Variants in THSD4 observed in about 807,000 individuals in gnomAD.
The protein encoded by THSD4 is thrombospondin type 1 domain containing 4.
THSD4 carries 69 observed loss-of-function variants against 119.0 expected under a neutral mutation model. That is an observed-to-expected ratio of 0.58 (90% confidence interval 0.48 to 0.71). The LOEUF (loss-of-function observed/expected upper bound fraction) is 0.71, where lower values mean the gene tolerates loss of function less well. THSD4 is among the 30% of genes least tolerant of loss of function. THSD4 has a pLI of 0.00. For missense variants in THSD4, 1,393 were observed against 1,391.1 expected (o/e 1.00, Z -0.02); for synonymous variants, 524 against 540.4 (o/e 0.97, Z 0.42).
At chr15:71,351,977 C>T (rs535276974) in intron 6 of THSD4, among the ~76,000 whole-genome samples, 1 of 152,230 alleles carries the variant, frequency 6.6e-6, no homozygotes, top group Non-Finnish European at 1.5e-5. Context: ...TTCTTTTCAA[C>T]ACTCCTTGAT....
chr15:71,768,059 A>G (rs1267718865), intron 16 of THSD4, among the ~76,000 whole-genome samples: 2 of 152,222 alleles, frequency 1.3e-5, no homozygotes, highest in Non-Finnish European at 2.9e-5. Flanking sequence ...TATTATGAAA[A>G]CCCGTAAATG....
At chr15:71,730,633 TG>T (rs1567123924) in intron 9 of THSD4, 1 of 153,980 alleles carries the variant, frequency 6.5e-6, no homozygotes, top group Non-Finnish European at 1.4e-5. Flanking sequence ...GGGAGGGACC[TG>T]GGGGCCAGCC....
intron 4 of THSD4, among the ~76,000 whole-genome samples, chr15:71,228,990 G>A (rs1304230997): frequency 6.6e-6 from 1 of 152,088 alleles, no homozygotes; most frequent in Non-Finnish European, 1.5e-5. Flanking sequence ...CTCAATTTGG[G>A]GGGAAACAAT....
intron 7 of THSD4, among the ~76,000 whole-genome samples, chr15:71,459,531 G>T (rs1022319391): frequency 6.6e-6 from 1 of 152,078 alleles, no homozygotes; most frequent in Admixed American, 6.5e-5. Context: ...TATTTCTTCT[G>T]CAAGTTTTCT....
intron 6 of THSD4, among the ~76,000 whole-genome samples, chr15:71,323,255 G>A (rs570726148): frequency 3.3e-5 from 5 of 152,232 alleles, no homozygotes; most frequent in South Asian, 2.1e-4. Context: ...ACTAGAAGGC[G>A]CCAATCGCAG....
At chr15:71,199,454 G>GT (rs2043748788) in intron 3 of THSD4, among the ~76,000 whole-genome samples, 3 of 143,028 alleles carry the variant, frequency 2.1e-5, no homozygotes, top group African/African-American at 5.2e-5. Flanking sequence ...TGTGTGTGTG[G>GT]GGGGGGGTGT....
rs1250551076 is a variant in THSD4, at chr15:71,411,683, G to A, written c.1016-4G>A. The A allele has an allele frequency of 3.1e-6, 5 of 1,612,742 alleles. No homozygotes were observed. The Admixed American group carries it at 6.7e-5, about 22-fold the overall frequency. ...TTTTATTTTATTTCATTTTACTTTG[G>A]TAGTAAAAGGCAATCGCAAATGTGA... is the stretch of plus-strand genomic sequence containing the variant. On this transcript the variant is annotated splice_polypyrimidine_tract_variant and splice_region_variant and intron_variant, in intron 6 of 17. Coordinates refer to ENST00000261862, the MANE Select transcript of THSD4 (RefSeq NM_024817.3).
intron 7 of THSD4, among the ~76,000 whole-genome samples, chr15:71,540,119 TATTTC>T (rs1453526978): frequency 4.7e-5 from 7 of 148,122 alleles, no homozygotes; most frequent in Admixed American, 3.6e-4. Flanking sequence ...TTACAACCAT[TATTTC>T]ATTTTATTTA....
intron 7 of THSD4, among the ~76,000 whole-genome samples, chr15:71,641,218 C>T (rs1321341805): frequency 2.6e-5 from 4 of 152,116 alleles, no homozygotes; most frequent in Non-Finnish European, 5.9e-5. Flanking sequence ...TTGAGGGAGG[C>T]ATTCCCTAAG....
At chr15:71,486,221 G>A (rs1235508902) in intron 7 of THSD4, among the ~76,000 whole-genome samples, 4 of 151,812 alleles carry the variant, frequency 2.6e-5, no homozygotes, top group South Asian at 4.2e-4. Context: ...AACCTTCCTC[G>A]ATCCTCTTCT....
At chr15:71,267,607 TAAC>T (rs1435945275) in intron 6 of THSD4, among the ~76,000 whole-genome samples, 1 of 151,838 alleles carries the variant, frequency 6.6e-6, no homozygotes, top group Non-Finnish European at 1.5e-5. Flanking sequence ...GATTCACACA[TAAC>T]AATATTAATC....
intron 6 of THSD4, among the ~76,000 whole-genome samples, chr15:71,375,270 A>C (rs1184837760): frequency 6.6e-6 from 1 of 152,192 alleles, no homozygotes; most frequent in Non-Finnish European, 1.5e-5. Flanking sequence ...TGCGAAAGGG[A>C]AATAGCCCAA....
intron 7 of THSD4, among the ~76,000 whole-genome samples, chr15:71,628,464 CG>C (rs1271481684): frequency 1.3e-5 from 2 of 152,110 alleles, no homozygotes; most frequent in Non-Finnish European, 2.9e-5. Context: ...AGGAGCAGAA[CG>C]GGAATTTGAA....
intron 6 of THSD4, among the ~76,000 whole-genome samples, chr15:71,308,420 T>C (rs1002794178): frequency 6.6e-6 from 1 of 152,246 alleles, no homozygotes; most frequent in African/African-American, 2.4e-5. Flanking sequence ...TATTGAAATA[T>C]GGAAGACAAT....
chr15:71,265,753 G>A (rs907006873), intron 6 of THSD4, among the ~76,000 whole-genome samples: 7 of 152,284 alleles, frequency 4.6e-5, no homozygotes, highest in South Asian at 2.1e-4. Flanking sequence ...GACCTTAGAC[G>A]CTTGAGCTTT....
rs1245518663 is a variant in THSD4 at position 71,215,312 on chromosome 15, G to C, written c.377G>C (p.Gly126Ala). The change falls in exon 4 of 18, where the codon GGT (glycine) becomes GCT (alanine). Residue 126 changes from glycine (G) to alanine (A), a missense_variant. Coordinates refer to ENST00000261862, the MANE Select transcript of THSD4 (RefSeq NM_024817.3). The stretch of plus-strand genomic sequence containing the variant: ...CGCGACGAGACGCCAGCGCTGGCCG[G>C]TACGGACGCCAGCCGCCAGGGCCCC... Reference protein sequence around the residue: ...RSRDETPALAGTDASRQGPTV... With the variant: ...RSRDETPALAATDASRQGPTV... The C allele has an allele frequency of 6.5e-7, 1 of 1,529,172 alleles. No homozygotes were observed. Among genetic ancestry groups the C allele is most frequent in the East Asian group, 2.5e-5 (1 of 40,138 alleles). The allele number at this position is 1,529,172 out of a possible 1,614,324, so 94.7% of individuals were successfully genotyped here.
At chr15:71,725,638 T>C (rs2052818375) in intron 8 of THSD4, among the ~76,000 whole-genome samples, 1 of 151,790 alleles carries the variant, frequency 6.6e-6, no homozygotes, top group Non-Finnish European at 1.5e-5. Flanking sequence ...TGCCGAGACA[T>C]CTGAAAAGAG....
intron 7 of THSD4, among the ~76,000 whole-genome samples, chr15:71,553,940 T>G (rs536432583): frequency 6.6e-6 from 1 of 152,246 alleles, no homozygotes; most frequent in African/African-American, 2.4e-5. Context: ...AATTTTTTCT[T>G]CTTTTTAAAT....
intron 7 of THSD4, among the ~76,000 whole-genome samples, chr15:71,625,394 C>G (rs1292010953): frequency 6.6e-6 from 1 of 152,100 alleles, no homozygotes; most frequent in Non-Finnish European, 1.5e-5. Context: ...GGGGGCTCTT[C>G]AAGAGACTAA....
Sources: allele counts gnomAD v4.1 joint callset (sites outside exome capture counted in the v4.1 genomes callset), GRCh38; gene constraint gnomAD v4.1.1; transcripts MANE v1.5; gene names NCBI Gene and HGNC (gene_info 2026-07-23, HGNC 2026-07-21).